The following GLS variants were observed in gnomAD, a reference collection of about 807,000 sequenced individuals.
The protein encoded by GLS is glutaminase kidney isoform, mitochondrial.
A neutral mutation model predicts 86.7 loss-of-function variants in GLS; 36 were observed. The observed-to-expected ratio is 0.42, with a 90% confidence interval of 0.32 to 0.55. The LOEUF (loss-of-function observed/expected upper bound fraction) is 0.55, where lower values mean the gene tolerates loss of function less well. Ranked by LOEUF, GLS falls within the 20% of genes least tolerant of loss-of-function variation. The probability of loss-of-function intolerance (pLI) is 0.17; values close to 1 mark genes in which losing one functional copy is unlikely to be tolerated. For synonymous variants in GLS, 317 were observed against 305.9 expected (o/e 1.04, Z -0.38); for missense variants, 528 against 833.4 (o/e 0.63, Z 4.51).
rs1690658675 is a variant in GLS at position 190,949,373 on chromosome 2, TTGTAA to T, written c.1651-4189_1651-4185del. Among the ~76,000 whole-genome samples the T allele has an allele frequency of 6.6e-6, 1 of 152,136 alleles. No homozygotes were observed. The highest frequency in any genetic ancestry group is 1.5e-5 in the Non-Finnish European group (1 of 68,024). ...GCATCAGTTAATGATTGAATAAATC[TTGTAA>T]TGATATTCAAAGATGTAAAAGTTAA... On this transcript the variant is annotated intron_variant, in intron 14 of 17. Coordinates refer to ENST00000320717, the MANE Select transcript of GLS (RefSeq NM_014905.5). The surrounding 1 kb of genome is among the most constrained non-coding windows in gnomAD (Gnocchi z 4.0).
intron 12 of GLS, among the ~76,000 whole-genome samples, chr2:190,929,025 G>A (rs1190310010): frequency 4.0e-5 from 6 of 150,494 alleles, no homozygotes; most frequent in Admixed American, 6.6e-5. Flanking sequence ...TCACTGTGTC[G>A]CCCAGGCTGG....
Position 190,962,447 on chromosome 2 carries a change from C to T in GLS, c.1854-383C>T, listed in dbSNP as rs1382283706. 6.6e-6 allele frequency among the ~76,000 whole-genome samples: 1 copy of T among 152,150 alleles called. No homozygotes were observed. Among genetic ancestry groups the T allele is most frequent in the South Asian group, 2.1e-4 (1 of 4,824 alleles). On this transcript the variant is annotated intron_variant, in intron 17 of 17. Transcript: ENST00000320717. The surrounding 1 kb of genome is among the most constrained non-coding windows in gnomAD (Gnocchi z 4.2). ...GGCTAGAGTGATGGATGTTATATGC[C>T]TGAATTTTCTTTGAACATTTTATTT...
chr2:190,961,647 C>T (rs987150946), intron 17 of GLS, among the ~76,000 whole-genome samples: 2 of 150,122 alleles, frequency 1.3e-5, no homozygotes, highest in Admixed American at 6.6e-5. Flanking sequence ...CCACTGACTT[C>T]CTAAACTAAT....
Position 190,953,950 on chromosome 2 carries a change from A to ATGTGTGTGTGTG in GLS, c.1712+359_1712+370dup, listed in dbSNP as rs57991546. On this transcript the variant is annotated intron_variant, in intron 15 of 17. Coordinates refer to ENST00000320717, the MANE Select transcript of GLS (RefSeq NM_014905.5). The surrounding 1 kb of genome is among the most constrained non-coding windows in gnomAD (Gnocchi z 4.0). The stretch of plus-strand genomic sequence containing the variant: ...CTACCCTCCATTCCCAATCTTTGAT[A>ATGTGTGTGTGTG]TGTGTGTGTGTGTGTGTGTGTGTGT... Among the ~76,000 whole-genome samples the ATGTGTGTGTGTG allele has an allele frequency of 1.1e-3, 151 of 136,762 alleles. 3 individuals are homozygous for ATGTGTGTGTGTG. The highest frequency in any genetic ancestry group is 4.9e-3 in the East Asian group (22 of 4,484). 89.7% of individuals were successfully genotyped at this position (136,762 alleles called of 152,430 possible).
chr2:190,939,537 C>T (rs1057261387), intron 14 of GLS, among the ~76,000 whole-genome samples: 5 of 151,592 alleles, frequency 3.3e-5, no homozygotes, highest in African/African-American at 7.3e-5. Flanking sequence ...TAACTACTCA[C>T]ATTTGAACCA....
chr2:190,947,819 A>G lies in GLS; in HGVS notation c.1651-5746A>G, dbSNP rs934095577. On this transcript the variant is annotated intron_variant, in intron 14 of 17. Transcript: ENST00000320717. The surrounding 1 kb of genome is among the most constrained non-coding windows in gnomAD (Gnocchi z 5.0). ...GCAAGTATTGGTGTGGAGGTGGATG[A>G]CTGATCTTCTAGAGTGCCCCTCTCC... is the stretch of plus-strand genomic sequence containing the variant. Among the ~76,000 whole-genome samples the G allele has an allele frequency of 1.3e-5, 2 of 152,176 alleles. No homozygotes were observed. The highest frequency in any genetic ancestry group is 2.9e-5 in the Non-Finnish European group (2 of 68,046).
chr2:190,945,650 G>A (rs1236270745), intron 14 of GLS, among the ~76,000 whole-genome samples: 1 of 150,758 alleles, frequency 6.6e-6, no homozygotes. Context: ...AGGCAACAGA[G>A]CGAGAGCCTG....
At position 190,954,004 on chromosome 2, in the gene GLS, TG is replaced by T. The variant is rs1240520496; in HGVS notation, c.1712+384del. 1.4e-5 allele frequency among the ~76,000 whole-genome samples: 2 copies of T among 143,154 alleles called. No individual in the cohort carries two copies. The highest frequency in any genetic ancestry group is 1.4e-4 in the Admixed American group (2 of 14,220). The allele number at this position is 143,154 out of a possible 152,430, so 93.9% of individuals were successfully genotyped here. A position where few individuals can be genotyped will look rare whatever the true frequency, so the allele number is the denominator to read the frequency against. ...TGTGTGTGTGTGTGTGTGAAGCAGC[TG>T]GGGGGTTTGGTGTCTGGCAGATCAT... On this transcript the variant is annotated intron_variant, in intron 15 of 17. Coordinates refer to ENST00000320717, the MANE Select transcript of GLS (RefSeq NM_014905.5). This position sits in a 1 kb window ranked among gnomAD's most constrained non-coding sequence, Gnocchi z 4.0.
At chr2:190,939,472 A>G (rs1558990283) in intron 14 of GLS, among the ~76,000 whole-genome samples, 2 of 151,702 alleles carry the variant, frequency 1.3e-5, no homozygotes. Context: ...GCTTGCTTTT[A>G]TATTATGCAT....
In GLS at chr2:190,920,957, T is replaced by A; in HGVS notation, c.1039-67T>A. ...TATAATAGTAGCTTTGAAATTTTGA[T>A]ATTGGCTTGAAACTTAACTGTAGTG... On this transcript the variant is annotated intron_variant, in intron 7 of 17. Coordinates refer to ENST00000320717, the MANE Select transcript of GLS (RefSeq NM_014905.5). The surrounding 1 kb of genome is among the most constrained non-coding windows in gnomAD (Gnocchi z 4.2). The A allele has an allele frequency of 1.3e-6, 1 of 799,218 alleles. No individual in the cohort carries two copies. The highest frequency in any genetic ancestry group is 2.2e-6 in the Non-Finnish European group (1 of 460,092). The allele number at this position is 799,218 out of a possible 1,614,324, so 49.5% of individuals were successfully genotyped here.
rs1270548587 is a variant in GLS at position 190,914,737 on chromosome 2, A to G, written c.1038+4416A>G. Among the ~76,000 whole-genome samples, 1 of 152,166 alleles carries G rather than the reference A, an allele frequency of 6.6e-6. No homozygotes were observed. The highest frequency in any genetic ancestry group is 2.4e-5 in the African/African-American group (1 of 41,446). On this transcript the variant is annotated intron_variant, in intron 7 of 17. Coordinates refer to ENST00000320717, the MANE Select transcript of GLS (RefSeq NM_014905.5). The surrounding 1 kb of genome is among the most constrained non-coding windows in gnomAD (Gnocchi z 4.4). ...GAATGGAATCAAGTGCGATACTTACAAAATAACTCTGATGCATTGATTTTA... is the reference window on the plus strand; with the variant it reads ...GAATGGAATCAAGTGCGATACTTACGAAATAACTCTGATGCATTGATTTTA...
At chr2:190,901,178 T>C (rs1406289506) in intron 4 of GLS, among the ~76,000 whole-genome samples, 1 of 152,066 alleles carries the variant, frequency 6.6e-6, no homozygotes, top group Non-Finnish European at 1.5e-5. Context: ...GTCAAAAATC[T>C]GAGTATAACT....
Position 190,964,745 on chromosome 2 carries a change from G to A in GLS, c.*1759G>A, listed in dbSNP as rs1168861525. The A allele has an allele frequency of 6.6e-6, 1 of 152,168 alleles. No homozygotes were observed. The highest frequency in any genetic ancestry group is 1.5e-5 in the Non-Finnish European group (1 of 68,036). The allele number at this position is 152,168 out of a possible 1,614,324, so 9.4% of individuals were successfully genotyped here. A position where few individuals can be genotyped will look rare whatever the true frequency, so the allele number is the denominator to read the frequency against. ...ATTTGTAAGATGCTGCACAGGAGCA[G>A]CATTATCCCCAAAGATATTACAGGG... On this transcript the variant is annotated 3_prime_UTR_variant, in exon 18 of 18. Coordinates refer to ENST00000320717, the MANE Select transcript of GLS (RefSeq NM_014905.5). This position sits in a 1 kb window ranked among gnomAD's most constrained non-coding sequence, Gnocchi z 5.2.
intron 14 of GLS, among the ~76,000 whole-genome samples, chr2:190,937,944 C>T (rs1175625293): frequency 6.6e-6 from 1 of 150,518 alleles, no homozygotes; most frequent in East Asian, 1.9e-4. Context: ...TAATCTTGCC[C>T]TCAAAAGGCA....
Position 190,920,635 on chromosome 2 carries a change from CTTAA to C in GLS, c.1039-386_1039-383del, listed in dbSNP as rs1288036970. On this transcript the variant is annotated intron_variant, in intron 7 of 17. Coordinates refer to ENST00000320717, the MANE Select transcript of GLS (RefSeq NM_014905.5). The surrounding 1 kb of genome is among the most constrained non-coding windows in gnomAD (Gnocchi z 4.2). ...TCTTAATTGAAATATTTTATATATA[CTTAA>C]TTCTTTTCGAAGGGTGAAACTTTAT... 1.3e-5 allele frequency among the ~76,000 whole-genome samples: 2 copies of C among 151,430 alleles called. No individual in the cohort carries two copies. The highest frequency in any genetic ancestry group is 2.4e-5 in the African/African-American group (1 of 41,338).
rs888075530 is a variant in GLS, at chr2:190,950,981, T to C, written c.1651-2584T>C. Among the ~76,000 whole-genome samples, 3 of 152,106 alleles carry C rather than the reference T, an allele frequency of 2.0e-5. No homozygotes were observed. The South Asian group carries it at 6.2e-4, about 32-fold the overall frequency. ...TGAGAAGCCGGCAGGACTGTTGCTG[T>C]TTTTGAGTTTGAAGTGACTATCAAG... On this transcript the variant is annotated intron_variant, in intron 14 of 17. Transcript: ENST00000320717.
At position 190,953,176 on chromosome 2, in the gene GLS, T is replaced by C. The variant is rs896287873; in HGVS notation, c.1651-389T>C. Among the ~76,000 whole-genome samples the C allele has an allele frequency of 2.6e-5, 4 of 152,250 alleles. No homozygotes were observed. Among genetic ancestry groups the C allele is most frequent in the Non-Finnish European group, 5.9e-5 (4 of 68,042 alleles). Reference sequence around the variant, plus strand: ...GGGATTAGACATTTATATAGCATGATTTAATTTTTAATAATGTGAATTTTA... The same window carrying C: ...GGGATTAGACATTTATATAGCATGACTTAATTTTTAATAATGTGAATTTTA... On this transcript the variant is annotated intron_variant, in intron 14 of 17. Transcript: ENST00000320717. The surrounding 1 kb of genome is among the most constrained non-coding windows in gnomAD (Gnocchi z 4.0).
intron 7 of GLS, among the ~76,000 whole-genome samples, chr2:190,917,500 A>G (rs1406008849): frequency 6.6e-6 from 1 of 152,214 alleles, no homozygotes; most frequent in East Asian, 1.9e-4. Flanking sequence ...TCGACCACCT[A>G]TGATCATGAA....
intron 14 of GLS, among the ~76,000 whole-genome samples, chr2:190,952,100 G>A (rs115733207): frequency 2.2e-4 from 33 of 152,326 alleles, no homozygotes; most frequent in African/African-American, 7.7e-4. Flanking sequence ...GGATTGAGGT[G>A]TAGGAGTAGG....
Sources: allele counts gnomAD v4.1 joint callset (sites outside exome capture counted in the v4.1 genomes callset), GRCh38; gene constraint gnomAD v4.1.1; non-coding constraint Gnocchi (gnomAD v3.1); transcripts MANE v1.5; gene names NCBI Gene and HGNC (gene_info 2026-07-23, HGNC 2026-07-21).